PCDH9: variants seen among roughly 807,000 people sequenced by gnomAD.
PCDH9 encodes the protein protocadherin-9.
Under a neutral mutation model 70.6 loss-of-function variants are expected in PCDH9, and 24 were observed. That is an observed-to-expected ratio of 0.34 (90% CI 0.25 to 0.48). PCDH9 has a LOEUF of 0.48. Ranked by LOEUF, PCDH9 falls within the 20% of genes least tolerant of loss-of-function variation. The probability of loss-of-function intolerance (pLI) is 0.99; values close to 1 mark genes in which losing one functional copy is unlikely to be tolerated. For missense variants in PCDH9, 1,281 were observed against 1,503.6 expected, an observed-to-expected ratio of 0.85 and a Z score of 2.45; for synonymous variants, 562 against 558.5, an observed-to-expected ratio of 1.01 and a Z score of -0.09.
intron 4 of PCDH9, among the ~76,000 whole-genome samples, chr13:66,381,712 G>A: frequency 6.6e-6 from 1 of 152,134 alleles, no homozygotes. Context: ...CTTTTCAAAT[G>A]ATTTTTATTA....
intron 3 of PCDH9, among the ~76,000 whole-genome samples, chr13:66,895,506 T>C (rs1481612520): frequency 6.6e-6 from 1 of 152,224 alleles, no homozygotes; most frequent in Non-Finnish European, 1.5e-5. Flanking sequence ...ATGACCATGT[T>C]CTCTGCAAAT....
At chr13:66,803,627 T>C (rs892328082) in intron 3 of PCDH9, among the ~76,000 whole-genome samples, 1 of 152,174 alleles carries the variant, frequency 6.6e-6, no homozygotes, top group Non-Finnish European at 1.5e-5. Flanking sequence ...TTTGTTTTAT[T>C]TTCCCTTTCC....
intron 4 of PCDH9, among the ~76,000 whole-genome samples, chr13:66,552,718 C>T (rs1961544653): frequency 6.6e-6 from 1 of 151,976 alleles, no homozygotes; most frequent in Admixed American, 6.6e-5. Context: ...TTGATAATAT[C>T]AATGATTGGT....
intron 3 of PCDH9, among the ~76,000 whole-genome samples, chr13:66,717,308 C>T (rs552627250): frequency 1.5e-4 from 23 of 150,986 alleles, no homozygotes; most frequent in Non-Finnish European, 5.9e-5. Flanking sequence ...AAAAATTAGC[C>T]AGGTGTAGTG....
intron 2 of PCDH9, among the ~76,000 whole-genome samples, chr13:67,189,063 A>C (rs1286551772): frequency 6.6e-6 from 1 of 152,010 alleles, no homozygotes; most frequent in Non-Finnish European, 1.5e-5. Context: ...TTCCTGAGTT[A>C]CTTCACTTAG....
At chr13:66,621,818 C>T (rs1455134811) in intron 4 of PCDH9, among the ~76,000 whole-genome samples, 1 of 152,278 alleles carries the variant, frequency 6.6e-6, no homozygotes, top group Non-Finnish European at 1.5e-5. Context: ...GCTCTCAGCG[C>T]CTCCTCTGCC....
chr13:66,622,223 G>T (rs1447862288), intron 4 of PCDH9, among the ~76,000 whole-genome samples: 1 of 152,226 alleles, frequency 6.6e-6, no homozygotes, highest in African/African-American at 2.4e-5. Flanking sequence ...CCATGCCTGA[G>T]CCTCCCCCGC....
At chr13:66,530,930 C>A (rs1194894072) in intron 4 of PCDH9, among the ~76,000 whole-genome samples, 1 of 151,930 alleles carries the variant, frequency 6.6e-6, no homozygotes. Context: ...TCTCCCATTT[C>A]CTCAGGCCAG....
chr13:67,211,016 G>A (rs779548549), intron 2 of PCDH9: 38 of 151,898 alleles, frequency 2.5e-4, no homozygotes, highest in Non-Finnish European at 3.4e-4. Flanking sequence ...TTATTTAAAT[G>A]TCTGTATCTT....
rs114751184 is a variant in PCDH9, at chr13:66,429,521, A to C, written c.3341-124493T>G. Among the ~76,000 whole-genome samples, 607 of 151,642 alleles carry C rather than the reference A, an allele frequency of 4.0e-3. 7 individuals carry two copies. The highest frequency in any genetic ancestry group is 0.014 in the African/African-American group (580 of 41,398). On this transcript the variant is annotated intron_variant, in intron 4 of 4. Coordinates refer to ENST00000377865, the MANE Select transcript of PCDH9 (RefSeq NM_203487.3). ...ACAGAACATTTATGCCAGAATAAAT[A>C]TGTTAGGAAATGAGGTTTGGAGGAT...
chr13:66,648,152 A>G (rs1222386957), intron 3 of PCDH9, among the ~76,000 whole-genome samples: 1 of 152,200 alleles, frequency 6.6e-6, no homozygotes, highest in African/African-American at 2.4e-5. Flanking sequence ...AGAGAAGGAC[A>G]CAACCTAGTT....
chr13:67,095,667 A>G (rs1249555308), intron 2 of PCDH9, among the ~76,000 whole-genome samples: 1 of 152,152 alleles, frequency 6.6e-6, no homozygotes, highest in Non-Finnish European at 1.5e-5. Context: ...TTCCTGTTGC[A>G]AGGATTAAAT....
chr13:67,201,908 T>C (rs946902508), intron 2 of PCDH9: 6 of 152,080 alleles, frequency 3.9e-5, no homozygotes. Flanking sequence ...GGGTTTTACA[T>C]TTATTATTAT....
At position 66,628,294 on chromosome 13, in the gene PCDH9, C is replaced by T. The variant is rs185800576; in HGVS notation, c.3340+2916G>A. Among the ~76,000 whole-genome samples the T allele has an allele frequency of 1.7e-3, 257 of 152,186 alleles. 1 individual carries two copies. The highest frequency in any genetic ancestry group is 1.5e-4 in the Non-Finnish European group (10 of 68,026). On this transcript the variant is annotated intron_variant, in intron 4 of 4. Transcript: ENST00000377865. ...TCAGACTCTTAGACTGTGTTAGGCT[C>T]TGATTAAAGTATTCAAAGGATCCCT...
intron 2 of PCDH9, among the ~76,000 whole-genome samples, chr13:66,988,900 T>C (rs111941593): frequency 0.01 from 1,552 of 152,064 alleles, 11 homozygotes; most frequent in Non-Finnish European, 0.014. Flanking sequence ...GGAAAGCCAA[T>C]GAAGACAACC....
At chr13:66,572,903 A>G (rs559329341) in intron 4 of PCDH9, among the ~76,000 whole-genome samples, 2 of 152,050 alleles carry the variant, frequency 1.3e-5, no homozygotes, top group African/African-American at 4.8e-5. Flanking sequence ...GGGACCACAG[A>G]CATGTGCCAC....
chr13:67,148,451 G>GA lies in PCDH9; in HGVS notation c.3036+76953dup, dbSNP rs965537095. On this transcript the variant is annotated intron_variant, in intron 2 of 4. Coordinates refer to ENST00000377865, the MANE Select transcript of PCDH9 (RefSeq NM_203487.3). ...CACATGTGCAATGAGTCACAGGAAA[G>GA]AAAAAAAAAAGAAAAAAGTAATTAT... 5.5e-4 allele frequency among the ~76,000 whole-genome samples: 78 copies of GA among 142,966 alleles called. No homozygotes were observed. The South Asian group carries it at 0.013, about 24-fold the overall frequency. The allele number at this position is 142,966 out of a possible 152,430, so 93.8% of individuals were successfully genotyped here.
rs567725126 is a variant in PCDH9, at chr13:66,765,956, T to C, written c.3139-134545A>G. On this transcript the variant is annotated intron_variant, in intron 3 of 4. Coordinates refer to ENST00000377865, the MANE Select transcript of PCDH9 (RefSeq NM_203487.3). ...ATCTTTGTTAGCTTCTTACTTTTTT[T>C]AATCTAAAAACATGATATGTATTAT... is the stretch of plus-strand genomic sequence containing the variant. Among the ~76,000 whole-genome samples, 97 of 152,156 alleles carry C rather than the reference T, an allele frequency of 6.4e-4. 1 individual carries two copies. Among genetic ancestry groups the C allele is most frequent in the African/African-American group, 2.2e-3 (93 of 41,476 alleles).
At chr13:66,622,843 A>G (rs1566462437) in intron 4 of PCDH9, among the ~76,000 whole-genome samples, 1 of 151,500 alleles carries the variant, frequency 6.6e-6, no homozygotes, top group Non-Finnish European at 1.5e-5. Context: ...TTTGGAATAA[A>G]TCTTGCTGCT....
Sources: allele counts gnomAD v4.1 joint callset (sites outside exome capture counted in the v4.1 genomes callset), GRCh38; gene constraint gnomAD v4.1.1; transcripts MANE v1.5; gene names NCBI Gene and HGNC (gene_info 2026-07-23, HGNC 2026-07-21).